Variants in PPEF1 observed in about 807,000 individuals in gnomAD.
The protein encoded by PPEF1 is serine/threonine-protein phosphatase with EF-hands 1.
A neutral mutation model predicts 53.3 loss-of-function variants in PPEF1; 12 were observed. The observed-to-expected ratio is 0.23, with a 90% CI of 0.14 to 0.36. The LOEUF (loss-of-function observed/expected upper bound fraction) is 0.36, where lower values mean the gene tolerates loss of function less well. PPEF1 is among the 10% of genes least tolerant of loss of function. The pLI, the probability that PPEF1 is intolerant of heterozygous loss-of-function variation, is 1.00. For synonymous variants in PPEF1, 165 were observed against 176.7 expected (o/e 0.93, Z 0.52); for missense variants, 334 against 490.4 (o/e 0.68, Z 3.01).
chrX:18,723,772 T>C (rs2044642005), intron 1 of PPEF1, among the ~76,000 whole-genome samples: 1 of 109,862 alleles, frequency 9.1e-6, no homozygotes, highest in Non-Finnish European at 1.9e-5. Context: ...TGCTATTCTA[T>C]ATACCATCTG....
intron 4 of PPEF1, among the ~76,000 whole-genome samples, chrX:18,695,609 A>C (rs1929671609): frequency 1.8e-5 from 2 of 112,130 alleles, no homozygotes; most frequent in Middle Eastern, 4.6e-3. Flanking sequence ...TTTCCATCTT[A>C]CCCAGACCAG....
intron 1 of PPEF1, among the ~76,000 whole-genome samples, chrX:18,724,799 C>T (rs918262609): frequency 9.0e-6 from 1 of 110,823 alleles, no homozygotes; most frequent in Non-Finnish European, 1.9e-5. Context: ...GGGCCAGCAA[C>T]CCCTCGGGTA....
At chrX:18,702,819 G>T (rs980835897), upstream of PPEF1, among the ~76,000 whole-genome samples, 10 of 110,564 alleles carry the variant, frequency 9.0e-5, no homozygotes, top group African/African-American at 3.3e-4. Context: ...ACCATCCTTG[G>T]TATATATTAG....
intron 6 of PPEF1, among the ~76,000 whole-genome samples, chrX:18,769,035 G>A (rs770191651): frequency 1.5e-4 from 17 of 112,260 alleles, no homozygotes; most frequent in Non-Finnish European, 3.2e-4. Flanking sequence ...TAAATGATGG[G>A]ATTTGTAGCA....
At chrX:18,698,356 AT>A (rs1262100553) in intron 5 of PPEF1, among the ~76,000 whole-genome samples, 2 of 112,590 alleles carry the variant, frequency 1.8e-5, no homozygotes, top group Non-Finnish European at 3.7e-5. Flanking sequence ...GGCACAGCCA[AT>A]CCAATTCGTG....
In PPEF1 at chrX:18,718,369, G is replaced by A. The variant is rs777133031; in HGVS notation, c.46+10543G>A. On this transcript the variant is annotated intron_variant, in intron 1 of 15. Transcript: ENST00000470157. ...GAGGATCACTTGAGGCTAGGAGTTT[G>A]AAACCAGCCTGGGCAACATAGCAAT... Among the ~76,000 whole-genome samples, 117 of 109,951 alleles carry A rather than the reference G, an allele frequency of 1.1e-3. 5 individuals carry two copies. Among genetic ancestry groups the A allele is most frequent in the Admixed American group, 1.5e-3 (15 of 10,202 alleles).
At chrX:18,735,462 A>G (rs1602394604) in intron 3 of PPEF1, among the ~76,000 whole-genome samples, 1 of 109,752 alleles carries the variant, frequency 9.1e-6, no homozygotes, top group South Asian at 3.9e-4. Flanking sequence ...ATTTCTGAGG[A>G]CTCTGTTCTG....
At chrX:18,681,361 G>A (rs1297406982), upstream of PPEF1, among the ~76,000 whole-genome samples, 1 of 112,145 alleles carries the variant, frequency 8.9e-6, no homozygotes, top group East Asian at 2.8e-4. Flanking sequence ...ATCCATGAGG[G>A]CATGGATTTG....
intron 10 of PPEF1, among the ~76,000 whole-genome samples, chrX:18,795,569 C>T (rs1602462299): frequency 8.9e-6 from 1 of 111,772 alleles, no homozygotes; most frequent in East Asian, 2.8e-4. Flanking sequence ...TTCATCCATT[C>T]AACAAGAATG....
intron 1 of PPEF1, among the ~76,000 whole-genome samples, chrX:18,724,256 T>C (rs1186241124): frequency 9.0e-6 from 1 of 111,613 alleles, no homozygotes; most frequent in Non-Finnish European, 1.9e-5. Flanking sequence ...ATCTGTAAAA[T>C]AGGGACAGTC....
At chrX:18,803,611 C>T (rs1416941194) in intron 10 of PPEF1, among the ~76,000 whole-genome samples, 1 of 111,424 alleles carries the variant, frequency 9.0e-6, no homozygotes, top group African/African-American at 3.3e-5. Flanking sequence ...CATGCACCAC[C>T]ATGCCTGGCT....
chrX:18,723,861 C>T (rs1455560515), intron 1 of PPEF1, among the ~76,000 whole-genome samples: 5 of 109,458 alleles, frequency 4.6e-5, no homozygotes, highest in African/African-American at 1.7e-4. Context: ...CTCACTGCAA[C>T]CTCTGCCTCC....
intron 12 of PPEF1, among the ~76,000 whole-genome samples, chrX:18,810,409 A>G (rs2046782315): frequency 9.0e-6 from 1 of 110,782 alleles, no homozygotes; most frequent in Non-Finnish European, 1.9e-5. Flanking sequence ...CACAAAGTTT[A>G]CCCATTTACA....
chrX:18,717,726 G>C (rs2044488592), intron 1 of PPEF1, among the ~76,000 whole-genome samples: 1 of 111,379 alleles, frequency 9.0e-6, no homozygotes, highest in African/African-American at 3.3e-5. Flanking sequence ...TTAGGTCTCT[G>C]CATGAACTAT....
chrX:18,784,505 A>G (rs1352984372), intron 9 of PPEF1, among the ~76,000 whole-genome samples: 2 of 109,911 alleles, frequency 1.8e-5, no homozygotes, highest in Non-Finnish European at 3.8e-5. Context: ...AGAATTTTCC[A>G]TCATCCCAGA....
chrX:18,680,324 T>A (rs775820996), upstream of PPEF1, among the ~76,000 whole-genome samples: 6 of 110,222 alleles, frequency 5.4e-5, no homozygotes, highest in African/African-American at 2.0e-4. Flanking sequence ...AGTGAGGCCT[T>A]TCCTGACTGT....
At chrX:18,711,566 T>C (rs1398591341) in intron 1 of PPEF1, among the ~76,000 whole-genome samples, 1 of 111,648 alleles carries the variant, frequency 9.0e-6, no homozygotes, top group Non-Finnish European at 1.9e-5. Context: ...TACAAATTCA[T>C]TTTTTGCATG....
rs763375240 is a variant in PPEF1, at chrX:18,737,193, T to G, written c.235+3385T>G. 3.7e-4 allele frequency among the ~76,000 whole-genome samples: 42 copies of G among 112,044 alleles called. No homozygotes were observed. The South Asian group carries it at 0.013, about 34-fold the overall frequency. ...GCTTTTGAATATGTTTGCTCTTGCT[T>G]CTCTAGTTCTTTTAATTGTGATGTT... On this transcript the variant is annotated intron_variant, in intron 3 of 15. Coordinates refer to ENST00000470157, the MANE Select transcript of PPEF1 (RefSeq NM_001377996.1).
chrX:18,761,183 T>C (rs2045655862), intron 5 of PPEF1, among the ~76,000 whole-genome samples: 1 of 111,567 alleles, frequency 9.0e-6, no homozygotes, highest in South Asian at 3.8e-4. Context: ...GTGAGCCTCA[T>C]TTGTAAGATG....
Sources: gnomAD v4.1 joint callset for allele counts (sites outside exome capture counted in the v4.1 genomes callset) on GRCh38, gnomAD v4.1.1 for gene constraint, MANE v1.5 for transcripts, NCBI Gene and HGNC (gene_info 2026-07-23, HGNC 2026-07-21) for gene names.